The following ATP11C variants were observed in gnomAD, a reference collection of about 807,000 sequenced individuals.
ATP11C encodes ATPase phospholipid transporting 11C (ATP11C blood group).
A neutral mutation model predicts 97.4 loss-of-function variants in ATP11C; 36 were observed. The observed-to-expected ratio is 0.37, with a 90% confidence interval of 0.28 to 0.49. The LOEUF is 0.49. Among genes scored for constraint, ATP11C ranks in the 20% least tolerant of loss-of-function variants. The pLI is 0.98. For synonymous variants in ATP11C, 275 were observed against 290.9 expected (o/e 0.95, Z 0.56); for missense variants, 730 against 824.6 (o/e 0.89, Z 1.40).
At chrX:139,772,644 A>G (rs2148696678) in intron 19 of ATP11C, among the ~76,000 whole-genome samples, 1 of 112,136 alleles carries the variant, frequency 8.9e-6, no homozygotes, top group South Asian at 3.7e-4. Flanking sequence ...ACATGGAGTC[A>G]AAGTAGATCA....
chrX:139,779,935 C>T (rs1179859542), intron 18 of ATP11C, among the ~76,000 whole-genome samples: 1 of 111,582 alleles, frequency 9.0e-6, no homozygotes, highest in Non-Finnish European at 1.9e-5. Context: ...AACATATCTA[C>T]GAGCACAAAC....
intron 1 of ATP11C, among the ~76,000 whole-genome samples, chrX:139,897,806 G>A (rs1603414117): frequency 9.0e-6 from 1 of 110,509 alleles, no homozygotes; most frequent in East Asian, 2.8e-4. Context: ...GGTGGCACGT[G>A]ACTGTAGTCC....
intron 28 of ATP11C, among the ~76,000 whole-genome samples, chrX:139,733,140 TAC>T (rs1362151035): frequency 8.9e-6 from 1 of 112,254 alleles, no homozygotes; most frequent in Non-Finnish European, 1.9e-5. Flanking sequence ...CTGTTTTTCC[TAC>T]AGAGTCCTCT....
At chrX:139,876,964 G>A (rs182841524) in intron 1 of ATP11C, among the ~76,000 whole-genome samples, 1 of 112,653 alleles carries the variant, frequency 8.9e-6, no homozygotes, top group Non-Finnish European at 1.9e-5. Flanking sequence ...GTATTAAGGG[G>A]CACAGGGCTC....
intron 18 of ATP11C, among the ~76,000 whole-genome samples, chrX:139,780,966 T>C (rs2082443023): frequency 9.0e-6 from 1 of 111,023 alleles, no homozygotes; most frequent in Admixed American, 9.6e-5. Context: ...AAACCACCCA[T>C]TGAGTATTAT....
intron 12 of ATP11C, among the ~76,000 whole-genome samples, chrX:139,790,307 T>C (rs1288269516): frequency 3.6e-5 from 4 of 111,699 alleles, no homozygotes; most frequent in Non-Finnish European, 7.5e-5. Flanking sequence ...CCCATACTCC[T>C]GGGCTCAAGC....
At chrX:139,732,692 T>C (rs1208489197) in intron 28 of ATP11C, among the ~76,000 whole-genome samples, 2 of 111,741 alleles carry the variant, frequency 1.8e-5, no homozygotes, top group East Asian at 5.6e-4. Context: ...CATTATTTTC[T>C]GAAGTAAAAG....
intron 1 of ATP11C, among the ~76,000 whole-genome samples, chrX:139,902,703 G>A (rs2084917033): frequency 9.0e-6 from 1 of 111,058 alleles, no homozygotes; most frequent in African/African-American, 3.3e-5. Flanking sequence ...ATATTGCCTG[G>A]TGGTAAAAAT....
intron 1 of ATP11C, among the ~76,000 whole-genome samples, chrX:139,830,003 T>A (rs1020064726): frequency 1.2e-4 from 13 of 111,836 alleles, no homozygotes; most frequent in Admixed American, 1.9e-4. Context: ...TGTTCCTTGG[T>A]TGCCTCCAGA....
intron 1 of ATP11C, among the ~76,000 whole-genome samples, chrX:139,898,903 T>C (rs765082390): frequency 9.0e-6 from 1 of 111,702 alleles, no homozygotes; most frequent in East Asian, 2.8e-4. Context: ...TGGAGGAACC[T>C]GGCAATCACT....
At chrX:139,790,102 T>C (rs956419178) in intron 12 of ATP11C, among the ~76,000 whole-genome samples, 4 of 110,415 alleles carry the variant, frequency 3.6e-5, no homozygotes, top group African/African-American at 1.3e-4. Flanking sequence ...TTTTTTAAGA[T>C]AGGGTCTCAC....
intron 18 of ATP11C, among the ~76,000 whole-genome samples, 155 bp from the exon 19 acceptor site, chrX:139,775,108 TGA>T (rs2082324574): frequency 8.9e-6 from 1 of 112,214 alleles, no homozygotes; most frequent in Admixed American, 9.5e-5. Flanking sequence ...CTACTCATTC[TGA>T]GTGTTGTCTC....
intron 1 of ATP11C, among the ~76,000 whole-genome samples, chrX:139,836,882 A>G (rs2083757743): frequency 8.9e-6 from 1 of 111,812 alleles, no homozygotes; most frequent in Non-Finnish European, 1.9e-5. Context: ...CCAAGGTACA[A>G]ACAACTGCAA....
chrX:139,799,929 G>A (rs1269071437), intron 8 of ATP11C, 131 bp downstream of exon 8: 2 of 556,867 alleles, frequency 3.6e-6, no homozygotes, highest in African/African-American at 2.4e-5. Flanking sequence ...TGGGATTACA[G>A]GCGTGAGCTA....
chrX:139,870,894 A>C (rs1440351352), intron 1 of ATP11C, among the ~76,000 whole-genome samples: 2 of 109,016 alleles, frequency 1.8e-5, no homozygotes, highest in Middle Eastern at 4.7e-3. Flanking sequence ...GTCTCTGCTA[A>C]AAATACAAAA....
intron 5 of ATP11C, among the ~76,000 whole-genome samples, chrX:139,810,080 G>A (rs1460783758): frequency 8.9e-6 from 1 of 112,070 alleles, no homozygotes; most frequent in Non-Finnish European, 1.9e-5. Flanking sequence ...AAAGTAAAAC[G>A]TATGACAACA....
chrX:139,932,021 G>T lies in ATP11C; in HGVS notation c.22C>A (p.Arg8Ser), dbSNP rs985796448. 2 of 1,166,022 alleles carry T rather than the reference G, an allele frequency of 1.7e-6. No homozygotes were observed. Among genetic ancestry groups the T allele is most frequent in the Non-Finnish European group, 2.3e-6 (2 of 871,829 alleles). MFRRSLN[R>S]FCAGEEKRVG... Reference sequence around the variant, plus strand: ...GCCGCAGCGAGTGTACTTACAAAACGATTCAAGCTCCGGCGGAACATCGCG... The same window carrying T: ...GCCGCAGCGAGTGTACTTACAAAACTATTCAAGCTCCGGCGGAACATCGCG... The change falls in exon 1 of 30, where the codon CGT (arginine) becomes AGT (serine). Residue 8 changes from arginine (R) to serine (S), a missense_variant. Coordinates refer to ENST00000682941, the MANE Select transcript of ATP11C (RefSeq NM_001353812.2).
At position 139,903,276 on chromosome X, in the gene ATP11C, T is replaced by A. The variant is rs752810517; in HGVS notation, c.27+28740A>T. ...AACTTCCATAGCCCTTGTTACAGCA[T>A]TTTGTTATAATGTTGGGTGTGTTAG... On this transcript the variant is annotated intron_variant, in intron 1 of 29. Transcript: ENST00000682941. Among the ~76,000 whole-genome samples, 15 of 111,603 alleles carry A rather than the reference T, an allele frequency of 1.3e-4. No homozygotes were observed. In the South Asian group the frequency reaches 5.7e-3, roughly 43 times the overall value.
At chrX:139,854,478 T>C (rs2084057465) in intron 1 of ATP11C, among the ~76,000 whole-genome samples, 1 of 111,734 alleles carries the variant, frequency 8.9e-6, no homozygotes, top group Non-Finnish European at 1.9e-5. Context: ...GAGGAGAATT[T>C]ATGTAAAGAG....
Sources: gnomAD v4.1 joint callset for allele counts (sites outside exome capture counted in the v4.1 genomes callset) on GRCh38, gnomAD v4.1.1 for gene constraint, MANE v1.5 for transcripts, NCBI Gene and HGNC (gene_info 2026-07-23, HGNC 2026-07-21) for gene names.